The following PREP variants were observed in gnomAD, a reference collection of about 807,000 sequenced individuals.
PREP encodes the protein prolyl endopeptidase.
In PREP, 29 loss-of-function variants were observed where a neutral mutation model predicts 87.6. The ratio of observed to expected loss-of-function variants is 0.33; its 90% CI spans 0.25 to 0.45. The LOEUF (loss-of-function observed/expected upper bound fraction) is 0.45, where lower values mean the gene tolerates loss of function less well. Ranked by LOEUF, PREP falls within the 20% of genes least tolerant of loss-of-function variation. The pLI, the probability that PREP is intolerant of heterozygous loss-of-function variation, is 1.00. For synonymous variants in PREP, 337 were observed against 328.6 expected (o/e 1.03, Z -0.28); for missense variants, 695 against 886.5 (o/e 0.78, Z 2.74).
chr6:105,381,856 TA>T (rs60388324), intron 2 of PREP, among the ~76,000 whole-genome samples: 37,696 of 151,906 alleles, frequency 0.25, 6,971 homozygotes, highest in African/African-American at 0.53. Flanking sequence ...AAAAATCTGT[TA>T]CAAGGGTAGC....
rs1253008883 is a variant in PREP at position 105,379,031 on chromosome 6, C to A, written c.121-1512G>T. The stretch of plus-strand genomic sequence containing the variant: ...TTACAATGCATTTAAAAACAAGAGA[C>A]AAGGGATGTAAAGTATGAATACAGT... On this transcript the variant is annotated intron_variant, in intron 2 of 14. Coordinates refer to ENST00000652536, the MANE Select transcript of PREP (RefSeq NM_002726.5). Among the ~76,000 whole-genome samples the A allele has an allele frequency of 5.9e-5, 9 of 152,090 alleles. No homozygotes were observed. In the South Asian group the frequency reaches 1.7e-3, roughly 28 times the overall value.
chr6:105,344,056 A>G (rs564477563), intron 7 of PREP, among the ~76,000 whole-genome samples: 70 of 152,352 alleles, frequency 4.6e-4, no homozygotes, highest in African/African-American at 1.6e-3. Context: ...GTGCTGCTAT[A>G]AAGACACATG....
At chr6:105,285,424 G>A in intron 12 of PREP, 62 bp downstream of exon 12, 1 of 1,512,218 alleles carries the variant, frequency 6.6e-7, no homozygotes, top group Non-Finnish European at 9.2e-7. Flanking sequence ...AAACAGGAAG[G>A]ATCAGCACAA....
At chr6:105,393,027 T>C (rs935024284) in intron 2 of PREP, among the ~76,000 whole-genome samples, 2 of 152,238 alleles carry the variant, frequency 1.3e-5, no homozygotes, top group African/African-American at 4.8e-5. Flanking sequence ...AGTTAAATTT[T>C]GGTCCCAGAC....
chr6:105,376,002 G>A (rs1583094196), intron 4 of PREP, 123 bp downstream of exon 4: 2 of 1,141,912 alleles, frequency 1.8e-6, no homozygotes, highest in African/African-American at 3.1e-5. Flanking sequence ...TATTGTATGT[G>A]CATCTGTTCC....
intron 6 of PREP, among the ~76,000 whole-genome samples, chr6:105,354,168 T>C (rs1361540928): frequency 6.6e-6 from 1 of 152,214 alleles, no homozygotes; most frequent in African/African-American, 2.4e-5. Context: ...AATCCAGAAA[T>C]ATACCACCAT....
rs779296672 is a variant in PREP at position 105,376,266 on chromosome 6, G to C, written c.255-11C>G. 4.3e-6 allele frequency: 7 copies of C among 1,611,526 alleles called. No individual in the cohort carries two copies. Among genetic ancestry groups the C allele is most frequent in the South Asian group, 3.3e-5 (3 of 90,580 alleles). ...TAAAAATAAAAATACCTGGGGAACAGAGATGGTCTTTATTCAGCTGTGGAG... is the reference window on the plus strand; with the variant it reads ...TAAAAATAAAAATACCTGGGGAACACAGATGGTCTTTATTCAGCTGTGGAG... On this transcript the variant is annotated splice_polypyrimidine_tract_variant and intron_variant, in intron 3 of 14. Coordinates refer to ENST00000652536, the MANE Select transcript of PREP (RefSeq NM_002726.5).
At chr6:105,353,206 T>G (rs1772003532) in intron 6 of PREP, 129 bp from the exon 7 acceptor site, 1 of 628,838 alleles carries the variant, frequency 1.6e-6, no homozygotes, top group African/African-American at 1.8e-5. Flanking sequence ...ACTCATGATC[T>G]GATAAGAAAG....
At chr6:105,297,143 CTT>C in intron 10 of PREP, among the ~76,000 whole-genome samples, 1 of 152,336 alleles carries the variant, frequency 6.6e-6, no homozygotes, top group East Asian at 1.9e-4. Flanking sequence ...AGCCACCCTA[CTT>C]TCAACCCTCA....
intron 6 of PREP, among the ~76,000 whole-genome samples, chr6:105,363,203 G>T (rs1332947853): frequency 1.3e-5 from 2 of 152,092 alleles, no homozygotes; most frequent in Non-Finnish European, 2.9e-5. Context: ...TCTCAATATA[G>T]GATTTAGGGA....
chr6:105,402,942 G>A lies in PREP; in HGVS notation c.-51C>T, dbSNP rs1349241963. 1.7e-6 allele frequency: 2 copies of A among 1,150,512 alleles called. No homozygotes were observed. Among genetic ancestry groups the A allele is most frequent in the Non-Finnish European group, 2.4e-6 (2 of 843,856 alleles). The allele number at this position is 1,150,512 out of a possible 1,614,324, so 71.3% of individuals were successfully genotyped here. On this transcript the variant is annotated 5_prime_UTR_variant, in exon 1 of 15. Transcript: ENST00000652536. ...TGGAGGGGCGCGGGCTCCGGGAGCG[G>A]ACCTGAGCTAGCCGGGCTGGCCGCG...
chr6:105,282,651 T>G, intron 12 of PREP, 69 bp from the exon 13 acceptor site: 1 of 1,545,592 alleles, frequency 6.5e-7, no homozygotes, highest in Middle Eastern at 1.9e-4. Flanking sequence ...TAATGGGAAT[T>G]CAAATGATAG....
intron 7 of PREP, among the ~76,000 whole-genome samples, chr6:105,338,919 C>T (rs1433005298): frequency 6.6e-6 from 1 of 152,214 alleles, no homozygotes; most frequent in Non-Finnish European, 1.5e-5. Context: ...CCCACCACAG[C>T]TCAAGGAGGC....
chr6:105,334,851 A>G (rs141943150), intron 7 of PREP, among the ~76,000 whole-genome samples: 165 of 152,294 alleles, frequency 1.1e-3, no homozygotes, highest in African/African-American at 3.8e-3. Context: ...TCCCTGCCTT[A>G]GCATCCTGAG....
chr6:105,369,035 T>C lies in PREP; in HGVS notation c.596-11A>G. On this transcript the variant is annotated splice_polypyrimidine_tract_variant and intron_variant, in intron 5 of 14. Coordinates refer to ENST00000652536, the MANE Select transcript of PREP (RefSeq NM_002726.5). Reference sequence around the variant, plus strand: ...TAGATGTCTCTGTGCCTGAAGGAGTTAAAAATGTACACTGAAATGTACTTG... The same window carrying C: ...TAGATGTCTCTGTGCCTGAAGGAGTCAAAAATGTACACTGAAATGTACTTG... The C allele has an allele frequency of 1.2e-6, 2 of 1,613,430 alleles. No homozygotes were observed. Among genetic ancestry groups the C allele is most frequent in the Non-Finnish European group, 1.7e-6 (2 of 1,179,518 alleles).
chr6:105,392,228 T>G (rs990154212), intron 2 of PREP, among the ~76,000 whole-genome samples: 3 of 151,926 alleles, frequency 2.0e-5, no homozygotes, highest in African/African-American at 7.2e-5. Flanking sequence ...TTAGTACAGA[T>G]GGGGTTTCAC....
chr6:105,293,758 G>C (rs1770350076), intron 10 of PREP, among the ~76,000 whole-genome samples: 1 of 152,176 alleles, frequency 6.6e-6, no homozygotes, highest in African/African-American at 2.4e-5. Context: ...TGATGGAATG[G>C]TAATTGAGAC....
Position 105,370,751 on chromosome 6 carries a change from C to T in PREP, c.596-1727G>A, listed in dbSNP as rs145426326. The stretch of plus-strand genomic sequence containing the variant: ...GGAACTTAAATGTATTATCAGTAAG[C>T]GAAAAAAGCCAATCTGAAAAGGCTA... On this transcript the variant is annotated intron_variant, in intron 5 of 14. Coordinates refer to ENST00000652536, the MANE Select transcript of PREP (RefSeq NM_002726.5). Among the ~76,000 whole-genome samples the T allele has an allele frequency of 3.4e-4, 52 of 151,984 alleles. No individual in the cohort carries two copies. In the East Asian group the frequency reaches 8.9e-3, roughly 26 times the overall value.
chr6:105,344,723 A>G (rs1771753669), intron 7 of PREP, among the ~76,000 whole-genome samples: 1 of 152,204 alleles, frequency 6.6e-6, no homozygotes, highest in Non-Finnish European at 1.5e-5. Context: ...AGATACACCT[A>G]ATGTAAATGA....
Sources: allele counts gnomAD v4.1 joint callset (sites outside exome capture counted in the v4.1 genomes callset), GRCh38; gene constraint gnomAD v4.1.1; transcripts MANE v1.5; gene names NCBI Gene and HGNC (gene_info 2026-07-23, HGNC 2026-07-21).